CNKSR2: variants seen among roughly 807,000 people sequenced by gnomAD.
CNKSR2 encodes the protein connector enhancer of kinase suppressor of Ras 2, also known as CNK homolog protein 2.
A neutral mutation model predicts 84.4 loss-of-function variants in CNKSR2; 14 were observed. The observed-to-expected ratio is 0.17, with a 90% confidence interval of 0.11 to 0.26. CNKSR2 has a LOEUF of 0.26. Ranked by LOEUF, CNKSR2 falls within the 10% of genes least tolerant of loss-of-function variation. The pLI is 1.00. For synonymous variants in CNKSR2, 275 were observed against 277.9 expected, an observed-to-expected ratio of 0.99 and a Z score of 0.10; for missense variants, 485 against 771.2, an observed-to-expected ratio of 0.63 and a Z score of 4.40.
chrX:21,607,785 C>T (rs1418425093), intron 19 of CNKSR2, among the ~76,000 whole-genome samples: 1 of 110,457 alleles, frequency 9.1e-6, no homozygotes, highest in Non-Finnish European at 1.9e-5. Flanking sequence ...GCCTGGGCGA[C>T]AGAGTGAGAC....
At chrX:21,475,140 A>G (rs1303942180) in intron 5 of CNKSR2, among the ~76,000 whole-genome samples, 6 of 111,977 alleles carry the variant, frequency 5.4e-5, no homozygotes, top group African/African-American at 1.9e-4. Flanking sequence ...CAGAGTGACT[A>G]CAGTCAGCAA....
intron 13 of CNKSR2, among the ~76,000 whole-genome samples, chrX:21,584,996 C>T (rs1389647232): frequency 9.1e-6 from 1 of 109,910 alleles, no homozygotes; most frequent in Non-Finnish European, 1.9e-5. Flanking sequence ...AATCCCAGCA[C>T]TATGGGAGGA....
intron 1 of CNKSR2, among the ~76,000 whole-genome samples, 194 bp downstream of exon 1, chrX:21,375,155 G>T (rs1285173361): frequency 6.2e-5 from 7 of 112,647 alleles, no homozygotes; most frequent in African/African-American, 2.3e-4. Flanking sequence ...TCCAGCTAGA[G>T]GGGCGCGGAG....
intron 13 of CNKSR2, among the ~76,000 whole-genome samples, chrX:21,571,607 A>G (rs1206929730): frequency 1.8e-5 from 2 of 111,884 alleles, no homozygotes; most frequent in African/African-American, 6.5e-5. Context: ...TACCTTAAAG[A>G]GCTAGAAAAT....
intron 1 of CNKSR2, among the ~76,000 whole-genome samples, chrX:21,378,552 G>A (rs1290861313): frequency 1.8e-5 from 2 of 110,684 alleles, no homozygotes; most frequent in African/African-American, 6.6e-5. Context: ...CTACTTTTTT[G>A]CCCACTGAAA....
chrX:21,531,755 G>A, intron 10 of CNKSR2, 101 bp from the exon 11 acceptor site: 1 of 496,230 alleles, frequency 2.0e-6, no homozygotes. Context: ...AAGGTCAGGA[G>A]ATATATTGTA....
intron 1 of CNKSR2, chrX:21,422,100 C>G (rs1384833549): frequency 8.9e-6 from 1 of 111,754 alleles, no homozygotes; most frequent in Non-Finnish European, 1.9e-5. Context: ...TCTAGCCCCA[C>G]AAAGTTCCCT....
chrX:21,553,118 T>G, intron 11 of CNKSR2, among the ~76,000 whole-genome samples: 1 of 111,705 alleles, frequency 9.0e-6, no homozygotes, highest in Non-Finnish European at 1.9e-5. Flanking sequence ...AGCCTTAGTA[T>G]TTTGCAAGAG....
At chrX:21,395,598 T>A (rs1421782193) in intron 1 of CNKSR2, among the ~76,000 whole-genome samples, 1 of 110,850 alleles carries the variant, frequency 9.0e-6, no homozygotes, top group Admixed American at 9.6e-5. Context: ...TCTGTCAGGG[T>A]TACCTATGGT....
At chrX:21,554,900 A>G (rs1413934658) in intron 11 of CNKSR2, among the ~76,000 whole-genome samples, 1 of 111,278 alleles carries the variant, frequency 9.0e-6, no homozygotes, top group African/African-American at 3.3e-5. Flanking sequence ...GTCTTTGAGG[A>G]ATTGCCACAC....
At chrX:21,399,982 C>G (rs777253446) in intron 1 of CNKSR2, among the ~76,000 whole-genome samples, 2 of 110,931 alleles carry the variant, frequency 1.8e-5, no homozygotes, top group East Asian at 5.6e-4. Flanking sequence ...TACTAAGTCA[C>G]TGGCACTTAG....
chrX:21,394,157 A>G (rs905109274), intron 1 of CNKSR2, among the ~76,000 whole-genome samples: 2 of 112,051 alleles, frequency 1.8e-5, no homozygotes, highest in African/African-American at 3.2e-5. Context: ...TAATTAATAT[A>G]TAGTCCAGGC....
At chrX:21,547,746 G>A (rs949480357) in intron 11 of CNKSR2, among the ~76,000 whole-genome samples, 22 of 111,492 alleles carry the variant, frequency 2.0e-4, no homozygotes, top group Admixed American at 3.8e-4. Context: ...ACCACAGTGC[G>A]ATCAAATTAG....
intron 1 of CNKSR2, among the ~76,000 whole-genome samples, chrX:21,408,617 C>T (rs780207151): frequency 4.5e-5 from 5 of 111,588 alleles, no homozygotes; most frequent in Admixed American, 9.6e-5. Flanking sequence ...CTCCACTCCA[C>T]GTTCTTTTTT....
intron 1 of CNKSR2, among the ~76,000 whole-genome samples, chrX:21,388,372 C>T (rs189139985): frequency 1.8e-5 from 2 of 112,041 alleles, no homozygotes; most frequent in East Asian, 5.6e-4. Flanking sequence ...ATGAGCCATT[C>T]TAGTAATTCC....
chrX:21,559,655 G>T (rs2092170537), intron 11 of CNKSR2, among the ~76,000 whole-genome samples: 1 of 111,115 alleles, frequency 9.0e-6, no homozygotes. Flanking sequence ...GGGGCTTATT[G>T]TGTTAACTGT....
At chrX:21,529,049 A>G (rs2091861542) in intron 10 of CNKSR2, among the ~76,000 whole-genome samples, 1 of 110,987 alleles carries the variant, frequency 9.0e-6, no homozygotes, top group African/African-American at 3.3e-5. Context: ...TTTTCCCCAT[A>G]TTAAAAAACT....
intron 6 of CNKSR2, chrX:21,492,546 C>G (rs763542300): frequency 1.8e-5 from 2 of 110,902 alleles, no homozygotes; most frequent in South Asian, 7.5e-4. Context: ...TACATCTGAA[C>G]AAAGCTTTTT....
At chrX:21,453,533 A>C (rs759451428) in intron 4 of CNKSR2, among the ~76,000 whole-genome samples, 1 of 111,319 alleles carries the variant, frequency 9.0e-6, no homozygotes, top group Non-Finnish European at 1.9e-5. Context: ...TAGATTTCCA[A>C]AGTTTTCCCT....
Sources: gnomAD v4.1 joint callset for allele counts (sites outside exome capture counted in the v4.1 genomes callset) on GRCh38, gnomAD v4.1.1 for gene constraint, MANE v1.5 for transcripts, NCBI Gene and HGNC (gene_info 2026-07-23, HGNC 2026-07-21) for gene names.